Variants in KDM5A observed in about 807,000 individuals in gnomAD.
KDM5A encodes lysine demethylase 5A.
KDM5A carries 42 observed loss-of-function variants against 193.5 expected under a neutral mutation model. That is an observed-to-expected ratio of 0.22 (90% CI 0.17 to 0.28). The LOEUF is 0.28. Among genes scored for constraint, KDM5A ranks in the 10% least tolerant of loss-of-function variants. The pLI is 1.00. For missense variants in KDM5A, 1,692 were observed against 2,055.1 expected (o/e 0.82, Z 3.42); for synonymous variants, 796 against 718.1 (o/e 1.11, Z -1.73).
chr12:305,590 C>T (rs1210253141), intron 24 of KDM5A, among the ~76,000 whole-genome samples: 2 of 152,142 alleles, frequency 1.3e-5, no homozygotes, highest in African/African-American at 4.8e-5. Context: ...TCCCAGGTTA[C>T]AAGAATAGAT....
chr12:307,216 G>A lies in KDM5A; in HGVS notation c.3931-127C>T. On this transcript the variant is annotated intron_variant, in intron 23 of 27. Transcript: ENST00000399788. The surrounding 1 kb of genome is among the most constrained non-coding windows in gnomAD (Gnocchi z 4.3). ...GGCTAACAGAGTTCTTCAACAGTTAGTAGAAATCAAATTATTTGATTATGA... is the reference window on the plus strand; with the variant it reads ...GGCTAACAGAGTTCTTCAACAGTTAATAGAAATCAAATTATTTGATTATGA... 2 of 1,162,718 alleles carry A rather than the reference G, an allele frequency of 1.7e-6. No individual in the cohort carries two copies. The highest frequency in any genetic ancestry group is 2.6e-5 in the South Asian group (2 of 77,938). 72.0% of individuals were successfully genotyped at this position (1,162,718 alleles called of 1,614,324 possible). A position where few individuals can be genotyped will look rare whatever the true frequency, so the allele number is the denominator to read the frequency against.
At chr12:365,197 C>T (rs538830962) in intron 4 of KDM5A, among the ~76,000 whole-genome samples, 26 of 152,110 alleles carry the variant, frequency 1.7e-4, no homozygotes, top group South Asian at 4.2e-4. Context: ...GGACCACTGG[C>T]GCACACCACC....
chr12:316,959 T>C (rs1040199866), intron 19 of KDM5A, among the ~76,000 whole-genome samples: 1 of 152,222 alleles, frequency 6.6e-6, no homozygotes, highest in African/African-American at 2.4e-5. Context: ...AGTAACTATG[T>C]GATCTCTCCA....
chr12:306,163 G>A (rs1187651950), intron 24 of KDM5A, among the ~76,000 whole-genome samples: 3 of 151,624 alleles, frequency 2.0e-5, no homozygotes, highest in Admixed American at 1.3e-4. Flanking sequence ...GTAGAGATGG[G>A]GGTCTCAATA....
In KDM5A at chr12:308,119, TAA is replaced by T. The variant is rs1424550617; in HGVS notation, c.3379-116_3379-115del. The T allele has an allele frequency of 3.2e-6, 4 of 1,235,982 alleles. No individual in the cohort carries two copies. In the African/African-American group the frequency reaches 6.0e-5, roughly 18 times the overall value. 76.6% of individuals were successfully genotyped at this position (1,235,982 alleles called of 1,614,324 possible). A position where few individuals can be genotyped will look rare whatever the true frequency, so the allele number is the denominator to read the frequency against. ...AAGTTATCAGTTATAAACAGTTTCC[TAA>T]AATGTGGGGCCCCTGGCGGTTTCCA... On this transcript the variant is annotated intron_variant, in intron 22 of 27. Coordinates refer to ENST00000399788, the MANE Select transcript of KDM5A (RefSeq NM_001042603.3).
rs1054353239 is a variant in KDM5A at position 287,289 on chromosome 12, C to T, written c.4867-1627G>A. ...CTGGGGAGTACAAGCCAGAAGCTTA[C>T]ATTTTTAATCAGCTCCCAAGTGATT... On this transcript the variant is annotated intron_variant, in intron 27 of 27. Transcript: ENST00000399788. Among the ~76,000 whole-genome samples the T allele has an allele frequency of 2.0e-5, 3 of 152,150 alleles. No homozygotes were observed. In the South Asian group the frequency reaches 6.2e-4, roughly 32 times the overall value.
At chr12:377,675 G>A (rs1944524282) in intron 3 of KDM5A, among the ~76,000 whole-genome samples, 1 of 152,130 alleles carries the variant, frequency 6.6e-6, no homozygotes, top group South Asian at 2.1e-4. Context: ...CCTAAAAAAT[G>A]TATATCCCAT....
At chr12:350,882 A>G (rs1317438346) in intron 9 of KDM5A, 103 bp from the exon 10 acceptor site, 2 of 1,045,180 alleles carry the variant, frequency 1.9e-6, no homozygotes, top group Non-Finnish European at 2.9e-6. Context: ...TGATGAGATT[A>G]AAAATCTTCT....
chr12:389,297 T>A lies in KDM5A; in HGVS notation c.-206A>T, dbSNP rs1380433685. On this transcript the variant is annotated 5_prime_UTR_variant, in exon 1 of 28. It adds an upstream start codon to the 5' untranslated region. Transcript: ENST00000399788. ...AGGCTTTTCCACTGAGGTTCAGGAC[T>A]TTTCCGGAAGTTACCGTGCTGTCAA... is the stretch of plus-strand genomic sequence containing the variant. 2.9e-6 allele frequency: 2 copies of A among 695,008 alleles called. No homozygotes were observed. The highest frequency in any genetic ancestry group is 4.2e-5 in the Admixed American group (2 of 47,872). The allele number at this position is 695,008 out of a possible 1,614,324, so 43.1% of individuals were successfully genotyped here.
chr12:323,291 T>G, intron 15 of KDM5A, 85 bp from the exon 16 acceptor site: 5 of 1,425,988 alleles, frequency 3.5e-6, no homozygotes, highest in Non-Finnish European at 4.7e-6. Flanking sequence ...AAATAAAGTT[T>G]TAAATATAAC....
At chr12:309,007 A>T (rs1943548512) in intron 22 of KDM5A, among the ~76,000 whole-genome samples, 1 of 152,240 alleles carries the variant, frequency 6.6e-6, no homozygotes, top group Admixed American at 6.5e-5. Context: ...TAAGAGTCAT[A>T]AAATGCTTAT....
chr12:345,279 G>C lies in KDM5A; in HGVS notation c.1308+5342C>G, dbSNP rs562817970. Among the ~76,000 whole-genome samples the C allele has an allele frequency of 5.1e-4, 77 of 152,234 alleles. 2 individuals are homozygous for C. The highest frequency in any genetic ancestry group is 3.5e-3 in the Admixed American group (53 of 15,294). ...CCCAGATTCCTAAAGCAAGTCCTTAGAGACCCACAAAGAGACTTAGACTCC... is the reference window on the plus strand; with the variant it reads ...CCCAGATTCCTAAAGCAAGTCCTTACAGACCCACAAAGAGACTTAGACTCC... On this transcript the variant is annotated intron_variant, in intron 10 of 27. Coordinates refer to ENST00000399788, the MANE Select transcript of KDM5A (RefSeq NM_001042603.3).
At chr12:289,084 G>C (rs1445295634) in intron 27 of KDM5A, among the ~76,000 whole-genome samples, 1 of 152,150 alleles carries the variant, frequency 6.6e-6, no homozygotes, top group East Asian at 1.9e-4. Flanking sequence ...TAGTAAAAAT[G>C]AGAGTTCATA....
At chr12:368,437 G>GTTATA (rs1045703835) in intron 3 of KDM5A, among the ~76,000 whole-genome samples, 2 of 152,128 alleles carry the variant, frequency 1.3e-5, no homozygotes, top group African/African-American at 4.8e-5. Context: ...TCACTTACTA[G>GTTATA]TTATATGACC....
intron 13 of KDM5A, among the ~76,000 whole-genome samples, 189 bp downstream of exon 13, chr12:331,630 T>C (rs1422626377): frequency 2.6e-5 from 4 of 152,122 alleles, no homozygotes; most frequent in African/African-American, 9.7e-5. Flanking sequence ...AGAAGAACTA[T>C]AAAATCTTCA....
At chr12:373,623 T>A (rs1002592841) in intron 3 of KDM5A, among the ~76,000 whole-genome samples, 7 of 152,234 alleles carry the variant, frequency 4.6e-5, no homozygotes, top group African/African-American at 1.7e-4. Flanking sequence ...TTCTGCTAGC[T>A]TTTGAATGTG....
At chr12:287,497 CA>C (rs58615505) in intron 27 of KDM5A, among the ~76,000 whole-genome samples, 5,631 of 121,516 alleles carry the variant, frequency 0.046, 193 homozygotes, top group African/African-American at 0.11. Context: ...AATCAGAGAC[CA>C]AAAAAAAAAA....
intron 4 of KDM5A, among the ~76,000 whole-genome samples, chr12:363,823 A>C (rs938657639): frequency 6.6e-6 from 1 of 152,222 alleles, no homozygotes; most frequent in African/African-American, 2.4e-5. Context: ...AAGATAACAG[A>C]CTAGGAGAAA....
chr12:366,008 C>T lies in KDM5A; in HGVS notation c.463G>A (p.Gly155Arg). Residue 155 changes from glycine (G) to arginine (R), a missense_variant, in exon 4 of 28, where the codon GGG (glycine) becomes AGG (arginine). By Grantham distance (125) the Gly-to-Arg change is moderately radical (BLOSUM62 -2). Transcript: ENST00000399788. ...TCATAATGTGACTTCAAAAGAGACC[C>T]AGTTCCTTTTCCTGGCAGATATCCC... is the stretch of plus-strand genomic sequence containing the variant. ...RLGYLPGKGT[G>R]SLLKSHYERI... 3.7e-6 allele frequency: 6 copies of T among 1,613,736 alleles called. No individual in the cohort carries two copies. Among genetic ancestry groups the T allele is most frequent in the Non-Finnish European group, 5.1e-6 (6 of 1,179,638 alleles).
Sources: allele counts gnomAD v4.1 joint callset (sites outside exome capture counted in the v4.1 genomes callset), GRCh38; gene constraint gnomAD v4.1.1; non-coding constraint Gnocchi (gnomAD v3.1); transcripts MANE v1.5; gene names NCBI Gene and HGNC (gene_info 2026-07-23, HGNC 2026-07-21).